DNAH10: variants seen among roughly 807,000 people sequenced by gnomAD.
DNAH10 encodes dynein axonemal heavy chain 10.
A neutral mutation model predicts 506.6 loss-of-function variants in DNAH10; 348 were observed. The observed-to-expected ratio is 0.69, with a 90% CI of 0.63 to 0.75. The LOEUF is 0.75. DNAH10 is among the 30% of genes least tolerant of loss of function. The probability of loss-of-function intolerance (pLI) is 0.00; values close to 1 mark genes in which losing one functional copy is unlikely to be tolerated. For synonymous variants in DNAH10, 2,059 were observed against 2,198.6 expected, an observed-to-expected ratio of 0.94 and a Z score of 1.78; for missense variants, 5,179 against 5,787.1, an observed-to-expected ratio of 0.89 and a Z score of 3.41.
chr12:123,843,067 A>G (rs1437533389), intron 30 of DNAH10, among the ~76,000 whole-genome samples: 2 of 152,248 alleles, frequency 1.3e-5, no homozygotes, highest in Non-Finnish European at 2.9e-5. Context: ...TATTTTCACG[A>G]TAGCTACCAC....
chr12:123,909,384 G>T lies in DNAH10; in HGVS notation c.9939G>T (p.Arg3313=), dbSNP rs1194957148. 6.2e-7 allele frequency: 1 copy of T among 1,611,000 alleles called. No homozygotes were observed. Among genetic ancestry groups the T allele is most frequent in the South Asian group, 1.1e-5 (1 of 90,248 alleles). The change falls in exon 58 of 79, where the codon CGG becomes CGT. Residue 3313 remains arginine, a synonymous_variant. Coordinates refer to ENST00000673944, the MANE Select transcript of DNAH10 (RefSeq NM_001372106.1). This position sits in a 1 kb window ranked among gnomAD's most constrained non-coding sequence, Gnocchi z 5.4. ...TGATGTCCGACCCGAATTTCCTGCG[G>T]TCTCTGATGGAGATTGATTTTGATT... ...KGVMSDPNFL[R]SLMEIDFDSI...
At chr12:123,809,651 A>AAACAACAACAAC (rs146942558) in intron 19 of DNAH10, among the ~76,000 whole-genome samples, 7,937 of 150,954 alleles carry the variant, frequency 0.053, 453 homozygotes, top group African/African-American at 0.14. Context: ...CGTGTCTCTA[A>AAACAACAACAAC]AACAACAACA....
Position 123,826,770 on chromosome 12 carries a change from G to C in DNAH10, c.4263G>C (p.Arg1421Ser), listed in dbSNP as rs747256440. Reference protein sequence around the residue: ...ILQEGIEGFLRALRKLPRPVR... With the variant: ...ILQEGIEGFLSALRKLPRPVR... ...AGGAAGGAATTGAAGGTTTTCTCAG[G>C]GCTCTCAGAAAGCTACCTCGGCCAG... is the stretch of plus-strand genomic sequence containing the variant. The change falls in exon 25 of 79, where the codon AGG (arginine) becomes AGC (serine). Residue 1421 changes from arginine (R) to serine (S), a missense_variant. Arg to Ser is a moderately radical substitution (Grantham distance 110, BLOSUM62 -1). This residue lies in a region of DNAH10 where 4,844 missense variants were observed against 5,430.5 expected (regional missense o/e 0.89). Transcript: ENST00000673944. 23 of 1,613,918 alleles carry C rather than the reference G, an allele frequency of 1.4e-5. No homozygotes were observed. Among genetic ancestry groups the C allele is most frequent in the Middle Eastern group, 1.7e-4 (1 of 6,060 alleles).
rs771058784 is a variant in DNAH10 at position 123,914,538 on chromosome 12, T to C, written c.10562T>C (p.Val3521Ala). ...FRLESLLTDD[V>A]EISRWGSQGL... ...CTGGAAAGCCTGCTCACGGATGATGTTGAGATCAGCAGGTGTGTGGCACCC... is the reference window on the plus strand; with the variant it reads ...CTGGAAAGCCTGCTCACGGATGATGCTGAGATCAGCAGGTGTGTGGCACCC... The change falls in exon 61 of 79, where the codon GTT (valine) becomes GCT (alanine). Residue 3521 changes from valine to alanine, a missense_variant. Around this residue, in one of 3 missense-constraint regions of DNAH10, gnomAD observed 4,844 missense variants for 5,430.5 expected, o/e 0.89. Transcript: ENST00000673944. 6.2e-7 allele frequency: 1 copy of C among 1,613,050 alleles called. No individual in the cohort carries two copies. Among genetic ancestry groups the C allele is most frequent in the Non-Finnish European group, 8.5e-7 (1 of 1,179,676 alleles).
chr12:123,851,263 G>A (rs979554089), intron 35 of DNAH10, among the ~76,000 whole-genome samples, 187 bp downstream of exon 35: 8 of 149,730 alleles, frequency 5.3e-5, no homozygotes, highest in African/African-American at 1.3e-4. Context: ...TTCCAGACGG[G>A]ACCTAGGATG....
At chr12:123,839,736 C>T (rs1484457689) in intron 29 of DNAH10, among the ~76,000 whole-genome samples, 2 of 149,090 alleles carry the variant, frequency 1.3e-5, no homozygotes, top group East Asian at 3.9e-4. Context: ...GATCTCCACT[C>T]ACTGCAAGCT....
chr12:123,827,016 G>A lies in DNAH10; in HGVS notation c.4391+118G>A, dbSNP rs77005312. 3,410 of 896,122 alleles carry A rather than the reference G, an allele frequency of 3.8e-3. 72 individuals carry two copies. The African/African-American group carries it at 0.048, about 13-fold the overall frequency. The allele number at this position is 896,122 out of a possible 1,614,324, so 55.5% of individuals were successfully genotyped here. ...TGAAGCACACAATTTCAACAATGCCGCAGGGCTATACATGGGCACGACACA... is the reference window on the plus strand; with the variant it reads ...TGAAGCACACAATTTCAACAATGCCACAGGGCTATACATGGGCACGACACA... On this transcript the variant is annotated intron_variant, in intron 25 of 78. Transcript: ENST00000673944.
At chr12:123,896,148 C>CACACAGAGAGAGAGAGAG (rs1383690518) in intron 54 of DNAH10, among the ~76,000 whole-genome samples, 12 of 95,314 alleles carry the variant, frequency 1.3e-4, no homozygotes, top group Admixed American at 3.2e-4. Flanking sequence ...CACACACACA[C>CACACAGAGAGAGAGAGAG]AGAGAGAGAG....
chr12:123,885,143 G>A (rs556270894), intron 51 of DNAH10, among the ~76,000 whole-genome samples: 7 of 152,288 alleles, frequency 4.6e-5, no homozygotes, highest in South Asian at 2.1e-4. Context: ...GCACTTTTGC[G>A]CCATGGCAAA....
chr12:123,910,488 C>G (rs1446059036), intron 58 of DNAH10, 48 bp from the exon 59 acceptor site: 3 of 1,596,860 alleles, frequency 1.9e-6, no homozygotes, highest in South Asian at 1.1e-5. Context: ...TTTATGCTCC[C>G]AAGATGAAGC....
In DNAH10 at chr12:123,886,087, T is replaced by G. The variant is rs980472738; in HGVS notation, c.8824-1055T>G. 1.6e-4 allele frequency among the ~76,000 whole-genome samples: 25 copies of G among 152,366 alleles called. No homozygotes were observed. The South Asian group carries it at 1.9e-3, about 11-fold the overall frequency. On this transcript the variant is annotated intron_variant, in intron 51 of 78. Coordinates refer to ENST00000673944, the MANE Select transcript of DNAH10 (RefSeq NM_001372106.1). Reference sequence around the variant, plus strand: ...AATACATAATTGAAATCATTCATTGTTAAAATATAACTGTTTGCAATTGTT... The same window carrying G: ...AATACATAATTGAAATCATTCATTGGTAAAATATAACTGTTTGCAATTGTT...
chr12:123,890,518 T>C (rs1319248340), intron 52 of DNAH10, among the ~76,000 whole-genome samples: 2 of 151,792 alleles, frequency 1.3e-5, no homozygotes, highest in Admixed American at 1.3e-4. Flanking sequence ...ACTCCTGGGC[T>C]CTAGTGTTTT....
intron 52 of DNAH10, among the ~76,000 whole-genome samples, chr12:123,887,804 G>A (rs1952806001): frequency 6.6e-6 from 1 of 151,706 alleles, no homozygotes; most frequent in Non-Finnish European, 1.5e-5. Flanking sequence ...GAGTGCAGTG[G>A]CGTGATCTTG....
chr12:123,763,345 ACCTCGAAAGCCGCCT>A (rs1039299911), intron 1 of DNAH10, among the ~76,000 whole-genome samples: 50 of 151,904 alleles, frequency 3.3e-4, no homozygotes, highest in African/African-American at 1.2e-3. Context: ...GGAGACTGGG[ACCTCGAAAGCCGCCT>A]CCTCGCAGGA....
At chr12:123,767,774 A>G (rs1957102488) in intron 2 of DNAH10, 85 bp downstream of exon 2, 2 of 1,163,356 alleles carry the variant, frequency 1.7e-6, no homozygotes, top group Admixed American at 2.0e-5. Flanking sequence ...CCGTGCCACA[A>G]TCAGTTGTAC....
Position 123,767,297 on chromosome 12 carries a change from C to A in DNAH10, c.215-309C>A, listed in dbSNP as rs144612280. Among the ~76,000 whole-genome samples the A allele has an allele frequency of 1.4e-3, 208 of 152,274 alleles. 3 individuals are homozygous for A. The highest frequency in any genetic ancestry group is 0.013 in the South Asian group (61 of 4,820). Reference sequence around the variant, plus strand: ...AATGTACAGTTTAGGGTGTTAAATACGTTCATAGTGTTGTGCACCCAGGAG... The same window carrying A: ...AATGTACAGTTTAGGGTGTTAAATAAGTTCATAGTGTTGTGCACCCAGGAG... On this transcript the variant is annotated intron_variant, in intron 1 of 78. Coordinates refer to ENST00000673944, the MANE Select transcript of DNAH10 (RefSeq NM_001372106.1).
In DNAH10 at chr12:123,913,210, C is replaced by T. The variant is rs1428851490; in HGVS notation, c.10247C>T (p.Ala3416Val). 2 of 1,610,080 alleles carry T rather than the reference C, an allele frequency of 1.2e-6. No individual in the cohort carries two copies. The highest frequency in any genetic ancestry group is 1.7e-6 in the Non-Finnish European group (2 of 1,178,504). Residue 3416 changes from alanine (A) to valine (V), a missense_variant, in exon 60 of 79, where the codon GCC becomes GTC. This residue lies in a region of DNAH10 where 4,844 missense variants were observed against 5,430.5 expected (regional missense o/e 0.89). Transcript: ENST00000673944. This position sits in a 1 kb window ranked among gnomAD's most constrained non-coding sequence, Gnocchi z 5.1. Reference protein sequence around the residue: ...ELETLGAKYEAAILEKQKLQE... With the variant: ...ELETLGAKYEVAILEKQKLQE... Reference sequence around the variant, plus strand: ...GAAACATTGGGTGCCAAATATGAGGCCGCCATACTGGAAAAGCAGAAGCTG... The same window carrying T: ...GAAACATTGGGTGCCAAATATGAGGTCGCCATACTGGAAAAGCAGAAGCTG...
At chr12:123,821,123 G>A (rs2136417123) in intron 24 of DNAH10, among the ~76,000 whole-genome samples, 2 of 152,206 alleles carry the variant, frequency 1.3e-5, no homozygotes, top group Middle Eastern at 6.8e-3. Context: ...AGTGGCAGGT[G>A]CCTGTAATCC....
chr12:123,813,911 T>G lies in DNAH10; in HGVS notation c.3779T>G (p.Phe1260Cys). The G allele has an allele frequency of 6.4e-7, 1 of 1,573,058 alleles. No homozygotes were observed. The highest frequency in any genetic ancestry group is 8.6e-7 in the Non-Finnish European group (1 of 1,167,054). The change falls in exon 21 of 79, where the codon TTT (phenylalanine) becomes TGT (cysteine). Residue 1260 changes from phenylalanine to cysteine, a missense_variant and splice_region_variant. Phe to Cys is a radical substitution (Grantham distance 205, BLOSUM62 -2). Coordinates refer to ENST00000673944, the MANE Select transcript of DNAH10 (RefSeq NM_001372106.1). ...RYRTMAMYNL[F>C]PPDAEKELVD... The stretch of plus-strand genomic sequence containing the variant: ...CGTACCATGGCAATGTATAACCTCT[T>G]TGTAAGTCAACTTGTATTTTCTTAT...
Sources: gnomAD v4.1 joint callset for allele counts (sites outside exome capture counted in the v4.1 genomes callset) on GRCh38, gnomAD v4.1.1 for gene constraint, gnomAD v4.1.1 regional missense constraint, Gnocchi (gnomAD v3.1) non-coding constraint, MANE v1.5 for transcripts, NCBI Gene and HGNC (gene_info 2026-07-23, HGNC 2026-07-21) for gene names.